Variants in TCP1 observed in about 807,000 individuals in gnomAD.
TCP1 encodes T-complex protein 1 subunit alpha.
In TCP1, 6 loss-of-function variants were observed where a neutral mutation model predicts 54.7. The ratio of observed to expected loss-of-function variants is 0.11; its 90% CI spans 0.06 to 0.22. The LOEUF is 0.22. Ranked by LOEUF, TCP1 falls within the 10% of genes least tolerant of loss-of-function variation. The pLI, the probability that TCP1 is intolerant of heterozygous loss-of-function variation, is 1.00. For missense variants in TCP1, 511 were observed against 678.2 expected (o/e 0.75, Z 2.74); for synonymous variants, 225 against 229.7 (o/e 0.98, Z 0.19).
intron 7 of TCP1, among the ~76,000 whole-genome samples, chr6:159,783,120 C>G (rs1780614244): frequency 6.6e-6 from 1 of 152,144 alleles, no homozygotes; most frequent in African/African-American, 2.4e-5. Flanking sequence ...GACAAAAGAG[C>G]CACAGGAAGA....
chr6:159,788,940 T>A (rs1780772946), intron 1 of TCP1: 2 of 157,144 alleles, frequency 1.3e-5, no homozygotes, highest in African/African-American at 2.4e-5. Context: ...ACGCCCGACC[T>A]CGACTGCAGC....
At chr6:159,785,591 T>C in intron 4 of TCP1, 95 bp from the exon 5 acceptor site, 1 of 1,005,786 alleles carries the variant, frequency 9.9e-7, no homozygotes, top group Non-Finnish European at 1.6e-6. Flanking sequence ...ATGTCGTAAG[T>C]AATAATATCC....
At position 159,785,918 on chromosome 6, in the gene TCP1, C is replaced by G; in HGVS notation, c.359G>C (p.Gly120Ala). The change falls in exon 4 of 12, where the codon GGC (glycine) becomes GCC (alanine). Residue 120 changes from glycine to alanine, a missense_variant. Gly to Ala is a moderately conservative substitution (Grantham distance 60, BLOSUM62 0). This residue lies in a region of TCP1 where 305 missense variants were observed against 352.8 expected (regional missense o/e 0.86). Transcript: ENST00000321394. ...ATCTTACTTGCAAGCAAGTCGATAG[C>G]CACTAATAACTGATGTGGGATGAAT... ...QKIHPTSVIS[G>A]YRLACKEAVR... 5 of 1,613,648 alleles carry G rather than the reference C, an allele frequency of 3.1e-6. No homozygotes were observed. The highest frequency in any genetic ancestry group is 4.2e-6 in the Non-Finnish European group (5 of 1,179,868).
At chr6:159,783,877 T>C in intron 7 of TCP1, 64 bp downstream of exon 7, 2 of 1,506,702 alleles carry the variant, frequency 1.3e-6, no homozygotes, top group Non-Finnish European at 1.8e-6. Context: ...TTGACTTGGC[T>C]AAAAATGTTA....
At position 159,778,625 on chromosome 6, in the gene TCP1, G is replaced by A. The variant is rs757105354; in HGVS notation, c.*420C>T. The A allele has an allele frequency of 1.2e-6, 2 of 1,606,342 alleles. No individual in the cohort carries two copies. Among genetic ancestry groups the A allele is most frequent in the Non-Finnish European group, 1.7e-6 (2 of 1,173,646 alleles). Reference sequence around the variant, plus strand: ...AAGATTTTAAACTGTGTCCACAGAAGAATAAACAATCTAAATCTTTTCTCC... The same window carrying A: ...AAGATTTTAAACTGTGTCCACAGAAAAATAAACAATCTAAATCTTTTCTCC... On this transcript the variant is annotated 3_prime_UTR_variant, in exon 12 of 12. Coordinates refer to ENST00000321394, the MANE Select transcript of TCP1 (RefSeq NM_030752.3).
At chr6:159,786,983 C>T (rs566193709) in intron 3 of TCP1, among the ~76,000 whole-genome samples, 5 of 150,970 alleles carry the variant, frequency 3.3e-5, no homozygotes, top group East Asian at 3.9e-4. Flanking sequence ...GCAGCTCATG[C>T]GTGTAATCCC....
intron 11 of TCP1, 136 bp downstream of exon 11, chr6:159,779,491 A>G: frequency 8.0e-7 from 1 of 1,242,590 alleles, no homozygotes; most frequent in Non-Finnish European, 1.1e-6. Context: ...TGAACAACAA[A>G]TGCTTGCTGT....
At chr6:159,783,802 A>G in intron 7 of TCP1, 139 bp downstream of exon 7, 1 of 1,121,478 alleles carries the variant, frequency 8.9e-7, no homozygotes. Context: ...ATTTTCATAT[A>G]GGTTGTATAA....
chr6:159,788,557 T>C (rs377641969), intron 1 of TCP1: 77 of 158,956 alleles, frequency 4.8e-4, no homozygotes, highest in African/African-American at 1.7e-3. Context: ...TGGCACAGCT[T>C]TGATGCGGGG....
chr6:159,786,996 C>G (rs1228850638), intron 3 of TCP1, among the ~76,000 whole-genome samples: 3 of 150,276 alleles, frequency 2.0e-5, no homozygotes, highest in Admixed American at 6.7e-5. Flanking sequence ...GTAATCCCAG[C>G]ACTACAGAGG....
chr6:159,779,741 A>G lies in TCP1; in HGVS notation c.1340T>C (p.Val447Ala). 6.2e-7 allele frequency: 1 copy of G among 1,611,248 alleles called. No homozygotes were observed. Among genetic ancestry groups the G allele is most frequent in the East Asian group, 2.2e-5 (1 of 44,878 alleles). Residue 447 changes from valine to alanine, a missense_variant, in exon 11 of 12, where the codon GTT (valine) becomes GCT (alanine). Val to Ala is a moderately conservative substitution (Grantham distance 64). Coordinates refer to ENST00000321394, the MANE Select transcript of TCP1 (RefSeq NM_030752.3). Reference sequence around the variant, plus strand: ...ATTAACTGCTAGTGTATTGGGAATAACAAGAAGTGATCTTGCAAACTCTGC... The same window carrying G: ...ATTAACTGCTAGTGTATTGGGAATAGCAAGAAGTGATCTTGCAAACTCTGC... ...AIAEFARSLL[V>A]IPNTLAVNAA...
Position 159,787,937 on chromosome 6 carries a change from C to G in TCP1, c.151-66G>C, listed in dbSNP as rs753754267. 5.0e-5 allele frequency: 81 copies of G among 1,607,554 alleles called. 3 individuals carry two copies. In the South Asian group the frequency reaches 8.9e-4, roughly 18 times the overall value. On this transcript the variant is annotated intron_variant, in intron 2 of 11. Transcript: ENST00000321394. ...ATCAACACAGCCCCATTATAATACA[C>G]GTTCACCTTTAATATCACCTTCCAG...
At chr6:159,786,381 A>G (rs1780698152) in intron 3 of TCP1, among the ~76,000 whole-genome samples, 1 of 152,244 alleles carries the variant, frequency 6.6e-6, no homozygotes, top group African/African-American at 2.4e-5. Flanking sequence ...CAAATGGCCA[A>G]AACTGGGTAG....
At chr6:159,780,718 C>G in intron 8 of TCP1, 152 bp from the exon 9 acceptor site, 1 of 1,262,702 alleles carries the variant, frequency 7.9e-7, no homozygotes, top group South Asian at 1.5e-5. Context: ...TAAGATGGAA[C>G]TGTCATTTTA....
intron 5 of TCP1, 183 bp from the exon 6 acceptor site, chr6:159,785,030 G>C: frequency 1.5e-6 from 1 of 666,182 alleles, no homozygotes; most frequent in South Asian, 1.8e-5. Context: ...TTTTAGACAT[G>C]CTTTTTATTA....
In TCP1 at chr6:159,779,762, T is replaced by C; in HGVS notation, c.1319A>G (p.Glu440Gly). Reference protein sequence around the residue: ...MGSREQLAIAEFARSLLVIPN... With the variant: ...MGSREQLAIAGFARSLLVIPN... ...AATAACAAGAAGTGATCTTGCAAACTCTGCAATCGCAAGCTGTTCCCGAGA... is the reference window on the plus strand; with the variant it reads ...AATAACAAGAAGTGATCTTGCAAACCCTGCAATCGCAAGCTGTTCCCGAGA... Residue 440 changes from glutamate (E) to glycine (G), a missense_variant, in exon 11 of 12, where the codon GAG (glutamate) becomes GGG (glycine). Around this residue, in one of 5 missense-constraint regions of TCP1, gnomAD observed 88 missense variants for 153.1 expected, o/e 0.57. Transcript: ENST00000321394. The C allele has an allele frequency of 6.2e-7, 1 of 1,607,598 alleles. No individual in the cohort carries two copies. The highest frequency in any genetic ancestry group is 8.5e-7 in the Non-Finnish European group (1 of 1,178,368).
chr6:159,784,631 C>T (rs776889132), intron 6 of TCP1, 35 bp downstream of exon 6: 58 of 1,598,010 alleles, frequency 3.6e-5, no homozygotes, highest in Non-Finnish European at 4.6e-5. Flanking sequence ...TAATCTGTAG[C>T]AATCTCATTC....
intron 3 of TCP1, among the ~76,000 whole-genome samples, chr6:159,787,207 C>A (rs1379566247): frequency 6.6e-6 from 1 of 151,954 alleles, no homozygotes; most frequent in African/African-American, 2.4e-5. Context: ...TGAGATATGA[C>A]AGCACTGCAG....
In TCP1 at chr6:159,778,574, T is replaced by C; in HGVS notation, c.*471A>G. 7.0e-7 allele frequency: 1 copy of C among 1,438,084 alleles called. No individual in the cohort carries two copies. The highest frequency in any genetic ancestry group is 9.6e-7 in the Non-Finnish European group (1 of 1,047,102). 89.1% of individuals were successfully genotyped at this position (1,438,084 alleles called of 1,614,324 possible). A position where few individuals can be genotyped will look rare whatever the true frequency, so the allele number is the denominator to read the frequency against. ...TGAGTTTGAAAGGGTAGCATGCTGATACATTAAGAGGAAAAAGACAAGTTT... is the reference window on the plus strand; with the variant it reads ...TGAGTTTGAAAGGGTAGCATGCTGACACATTAAGAGGAAAAAGACAAGTTT... On this transcript the variant is annotated 3_prime_UTR_variant, in exon 12 of 12. Transcript: ENST00000321394.
Sources: gnomAD v4.1 joint callset for allele counts (sites outside exome capture counted in the v4.1 genomes callset) on GRCh38, gnomAD v4.1.1 for gene constraint, gnomAD v4.1.1 regional missense constraint, MANE v1.5 for transcripts, NCBI Gene and HGNC (gene_info 2026-07-23, HGNC 2026-07-21) for gene names.